The following GRIA1 variants were observed in gnomAD, a reference collection of about 807,000 sequenced individuals.
The protein encoded by GRIA1 is glutamate ionotropic receptor AMPA type subunit 1, also known as glutamate receptor 1.
A neutral mutation model predicts 99.2 loss-of-function variants in GRIA1; 31 were observed. The observed-to-expected ratio is 0.31, with a 90% CI of 0.23 to 0.42. GRIA1 has a LOEUF of 0.42. GRIA1 is among the 10% of genes least tolerant of loss of function. GRIA1 has a pLI of 1.00. For synonymous variants in GRIA1, 438 were observed against 432.4 expected, an observed-to-expected ratio of 1.01 and a Z score of -0.16; for missense variants, 782 against 1,157.5, an observed-to-expected ratio of 0.68 and a Z score of 4.71.
At chr5:153,743,670 T>TTCATGAG (rs143331215) in intron 11 of GRIA1, among the ~76,000 whole-genome samples, 2,447 of 152,270 alleles carry the variant, frequency 0.016, 70 homozygotes, top group African/African-American at 0.056. Context: ...GAGAAAATTC[T>TTCATGAG]TCTTTTAAAA....
At chr5:153,762,700 A>C (rs1288188665) in intron 11 of GRIA1, among the ~76,000 whole-genome samples, 1 of 152,174 alleles carries the variant, frequency 6.6e-6, no homozygotes, top group Non-Finnish European at 1.5e-5. Flanking sequence ...CATTCCCAGC[A>C]CTTGGTGTCC....
At chr5:153,577,745 T>C (rs546825232) in intron 2 of GRIA1, among the ~76,000 whole-genome samples, 77 of 152,286 alleles carry the variant, frequency 5.1e-4, no homozygotes, top group African/African-American at 1.6e-3. Flanking sequence ...TGCCAGACAG[T>C]GAGAACACAG....
At chr5:153,758,206 C>A (rs1422678056) in intron 11 of GRIA1, among the ~76,000 whole-genome samples, 1 of 151,968 alleles carries the variant, frequency 6.6e-6, no homozygotes. Context: ...TAAGCCCTGA[C>A]TGAATTACCT....
At chr5:153,533,417 A>T (rs1455445164) in intron 2 of GRIA1, among the ~76,000 whole-genome samples, 1 of 152,028 alleles carries the variant, frequency 6.6e-6, no homozygotes, top group Non-Finnish European at 1.5e-5. Context: ...TCTTGGAAAG[A>T]GAGGTACAAG....
At chr5:153,809,977 T>C (rs888424171) in intron 15 of GRIA1, among the ~76,000 whole-genome samples, 16 of 152,076 alleles carry the variant, frequency 1.1e-4, no homozygotes, top group African/African-American at 2.9e-4. Context: ...AAAAATTCTG[T>C]GATTGTTTCT....
intron 11 of GRIA1, among the ~76,000 whole-genome samples, chr5:153,729,504 G>C (rs1231892553): frequency 1.3e-5 from 2 of 151,740 alleles, no homozygotes; most frequent in East Asian, 1.9e-4. Flanking sequence ...GAGTGTGTTG[G>C]GGCAGTTAGA....
intron 13 of GRIA1, among the ~76,000 whole-genome samples, chr5:153,786,375 A>C (rs1414044860): frequency 6.6e-6 from 1 of 151,948 alleles, no homozygotes; most frequent in Non-Finnish European, 1.5e-5. Context: ...ACTTCCACCC[A>C]CTGTCAGAAT....
At chr5:153,581,337 T>C (rs899467740) in intron 2 of GRIA1, among the ~76,000 whole-genome samples, 2 of 152,210 alleles carry the variant, frequency 1.3e-5, no homozygotes, top group African/African-American at 4.8e-5. Context: ...AGAATCCAAA[T>C]GCCTAACACA....
At chr5:153,803,871 C>A (rs748556665) in intron 15 of GRIA1, among the ~76,000 whole-genome samples, 25 of 152,144 alleles carry the variant, frequency 1.6e-4, no homozygotes, top group Admixed American at 1.6e-3. Flanking sequence ...TCCGGGGTCG[C>A]CCTTGGAGAA....
At chr5:153,636,868 G>T (rs1040613707) in intron 2 of GRIA1, among the ~76,000 whole-genome samples, 1 of 152,216 alleles carries the variant, frequency 6.6e-6, no homozygotes, top group African/African-American at 2.4e-5. Flanking sequence ...TGAAAGCTCT[G>T]GTTTGTGTTG....
At chr5:153,538,682 A>C (rs550136418) in intron 2 of GRIA1, among the ~76,000 whole-genome samples, 1 of 152,308 alleles carries the variant, frequency 6.6e-6, no homozygotes, top group African/African-American at 2.4e-5. Flanking sequence ...GTCCCACTGC[A>C]CAGCCACCCA....
At chr5:153,544,103 C>A (rs1476526920) in intron 2 of GRIA1, among the ~76,000 whole-genome samples, 1 of 152,140 alleles carries the variant, frequency 6.6e-6, no homozygotes, top group African/African-American at 2.4e-5. Flanking sequence ...TTTTATATCC[C>A]ACAGGGGAGT....
chr5:153,653,044 C>T (rs910203762), intron 4 of GRIA1, among the ~76,000 whole-genome samples: 32 of 152,144 alleles, frequency 2.1e-4, no homozygotes, highest in African/African-American at 7.7e-4. Context: ...GTGTCTGTCT[C>T]CAGCCCCCAC....
At chr5:153,500,263 T>C (rs1274246286) in intron 2 of GRIA1, among the ~76,000 whole-genome samples, 1 of 151,542 alleles carries the variant, frequency 6.6e-6, no homozygotes, top group Non-Finnish European at 1.5e-5. Context: ...ACTGGTAAGC[T>C]TCATGTATTT....
At chr5:153,624,235 T>C (rs1561701475) in intron 2 of GRIA1, among the ~76,000 whole-genome samples, 2 of 152,236 alleles carry the variant, frequency 1.3e-5, no homozygotes. Flanking sequence ...TCAGAGCTAT[T>C]TGCCATCTGA....
At chr5:153,696,111 A>G (rs1408696134) in intron 8 of GRIA1, among the ~76,000 whole-genome samples, 1 of 152,100 alleles carries the variant, frequency 6.6e-6, no homozygotes, top group Non-Finnish European at 1.5e-5. Flanking sequence ...ACGTCCCTGG[A>G]GTTGGTCTCC....
intron 2 of GRIA1, among the ~76,000 whole-genome samples, chr5:153,537,498 G>T (rs187761669): frequency 6.6e-6 from 1 of 152,128 alleles, no homozygotes; most frequent in Admixed American, 6.5e-5. Context: ...TCTGTGTCTC[G>T]CTGCCTGGGT....
intron 7 of GRIA1, among the ~76,000 whole-genome samples, chr5:153,683,462 A>G (rs574237551): frequency 5.3e-5 from 8 of 152,286 alleles, no homozygotes; most frequent in African/African-American, 1.7e-4. Flanking sequence ...CATCTGTGAA[A>G]CAGGCAAAAT....
chr5:153,527,384 T>A (rs1757698445), intron 2 of GRIA1, among the ~76,000 whole-genome samples: 1 of 152,194 alleles, frequency 6.6e-6, no homozygotes. Flanking sequence ...TGTCTTCATT[T>A]GGAAATTAAT....
Sources: allele counts gnomAD v4.1 joint callset (sites outside exome capture counted in the v4.1 genomes callset), GRCh38; gene constraint gnomAD v4.1.1; transcripts MANE v1.5; gene names NCBI Gene and HGNC (gene_info 2026-07-23, HGNC 2026-07-21).